Variants in ATAD2B observed in about 807,000 individuals in gnomAD.
ATAD2B encodes ATPase family AAA domain containing 2B.
A neutral mutation model predicts 167.6 loss-of-function variants in ATAD2B; 40 were observed. The observed-to-expected ratio is 0.24, with a 90% confidence interval of 0.19 to 0.31. The LOEUF (loss-of-function observed/expected upper bound fraction) is 0.31. ATAD2B is among the 10% of genes least tolerant of loss of function. The pLI, the probability that ATAD2B is intolerant of heterozygous loss-of-function variation, is 1.00. For missense variants in ATAD2B, 1,242 were observed against 1,757.2 expected, an observed-to-expected ratio of 0.71 and a Z score of 5.24; for synonymous variants, 579 against 596.5, an observed-to-expected ratio of 0.97 and a Z score of 0.43.
chr2:23,925,857 T>C (rs949519701), intron 1 of ATAD2B, among the ~76,000 whole-genome samples: 2 of 152,128 alleles, frequency 1.3e-5, no homozygotes, highest in African/African-American at 2.4e-5. Flanking sequence ...ATCCGAAACA[T>C]TCCACTTGTT....
At chr2:23,867,204 T>C (rs2150070740) in intron 10 of ATAD2B, among the ~76,000 whole-genome samples, 1 of 152,310 alleles carries the variant, frequency 6.6e-6, no homozygotes, top group South Asian at 2.1e-4. Flanking sequence ...CATTTATTCC[T>C]CTTCTCATGT....
At chr2:23,909,869 G>T (rs995039092) in intron 1 of ATAD2B, among the ~76,000 whole-genome samples, 1 of 150,568 alleles carries the variant, frequency 6.6e-6, no homozygotes, top group African/African-American at 2.4e-5. Context: ...GTTTGTTTTT[G>T]TTTTTTTTGG....
chr2:23,863,691 G>T, intron 11 of ATAD2B, 136 bp from the exon 12 acceptor site: 1 of 823,504 alleles, frequency 1.2e-6, no homozygotes, highest in Non-Finnish European at 1.8e-6. Flanking sequence ...GCTTTTTCCA[G>T]GATATAGACA....
chr2:23,678,690 C>T, the ATAD2B span, among the ~76,000 whole-genome samples: 1 of 152,204 alleles, frequency 6.6e-6, no homozygotes, highest in East Asian at 1.9e-4. Flanking sequence ...AATGGTTAAA[C>T]AGTATGTGGT....
the ATAD2B span, among the ~76,000 whole-genome samples, chr2:23,740,396 C>T: frequency 0.04 from 6,124 of 151,494 alleles, 105 homozygotes; most frequent in Admixed American, 0.045. Flanking sequence ...GCTGGTTCAA[C>T]ATACGCAAAT....
chr2:23,870,975 T>C lies in ATAD2B; in HGVS notation c.978-1214A>G, dbSNP rs149321955. On this transcript the variant is annotated intron_variant, in intron 8 of 27. Coordinates refer to ENST00000238789, the MANE Select transcript of ATAD2B (RefSeq NM_017552.4). The stretch of plus-strand genomic sequence containing the variant: ...TGACATCGCTAAGACACCTAAAAAA[T>C]ACTATAATAAAACCACCACAAAATT... 9.7e-3 allele frequency among the ~76,000 whole-genome samples: 1,475 copies of C among 152,172 alleles called. 15 individuals carry two copies. The highest frequency in any genetic ancestry group is 0.037 in the Middle Eastern group (11 of 294).
At chr2:23,893,165 T>C (rs1699764352) in intron 2 of ATAD2B, among the ~76,000 whole-genome samples, 1 of 152,178 alleles carries the variant, frequency 6.6e-6, no homozygotes, top group Admixed American at 6.5e-5. Context: ...CACTTTTATC[T>C]CTATCTTCAT....
At chr2:23,735,132 C>G in the ATAD2B span, among the ~76,000 whole-genome samples, 18,174 of 152,150 alleles carry the variant, frequency 0.12, 1,156 homozygotes, top group Middle Eastern at 0.22. Context: ...ACTTGTCCTC[C>G]ATAATAAGAC....
chr2:23,808,206 A>AAT (rs1285507303), intron 18 of ATAD2B, among the ~76,000 whole-genome samples: 1,445 of 129,956 alleles, frequency 0.011, 24 homozygotes, highest in African/African-American at 0.039. Flanking sequence ...TTTATATAAA[A>AAT]ATATATATAT....
chr2:23,843,295 TA>T (rs1261451226), intron 13 of ATAD2B, among the ~76,000 whole-genome samples: 3 of 152,072 alleles, frequency 2.0e-5, no homozygotes, highest in Non-Finnish European at 4.4e-5. Flanking sequence ...AGACAAAAAT[TA>T]TCCAAGGTGA....
intron 6 of ATAD2B, among the ~76,000 whole-genome samples, chr2:23,884,516 G>A (rs1045266665): frequency 1.3e-5 from 2 of 151,852 alleles, no homozygotes; most frequent in African/African-American, 4.9e-5. Context: ...CCAGATCACT[G>A]AAGGACTACC....
In ATAD2B at chr2:23,870,674, GT is replaced by G. The variant is rs1032355219; in HGVS notation, c.978-914del. 5.2e-4 allele frequency among the ~76,000 whole-genome samples: 76 copies of G among 145,870 alleles called. 1 individual carries two copies. The highest frequency in any genetic ancestry group is 1.5e-3 in the African/African-American group (58 of 39,916). On this transcript the variant is annotated intron_variant, in intron 8 of 27. Coordinates refer to ENST00000238789, the MANE Select transcript of ATAD2B (RefSeq NM_017552.4). ...AGAATCTCAGAAAAAAAAAAGTTTG[GT>G]TTTTTTTTTTAATTTTATCTTTCCC... is the stretch of plus-strand genomic sequence containing the variant.
chr2:23,920,159 A>C (rs1703699222), intron 1 of ATAD2B, among the ~76,000 whole-genome samples: 3 of 152,178 alleles, frequency 2.0e-5, no homozygotes, highest in Non-Finnish European at 2.9e-5. Context: ...TCAAAAAAAA[A>C]AAAAAAGGTA....
the ATAD2B span, among the ~76,000 whole-genome samples, chr2:23,716,316 C>T: frequency 6.6e-6 from 1 of 152,262 alleles, no homozygotes; most frequent in African/African-American, 2.4e-5. Flanking sequence ...TCTTAAACTG[C>T]TGCGATGATA....
chr2:23,757,920 C>T lies in ATAD2B; in HGVS notation c.3576G>A (p.Glu1192=), dbSNP rs755736038. 4.3e-6 allele frequency: 7 copies of T among 1,610,982 alleles called. No homozygotes were observed. The highest frequency in any genetic ancestry group is 5.9e-6 in the Non-Finnish European group (7 of 1,179,178). The stretch of plus-strand genomic sequence containing the variant: ...AGTCTCCAGTCTCTTCTCCATTTTC[C>T]TCATGGCAGTCAGTGCTTACCTCAA... ...GEFEVSTDCH[E]ENGEETGDLS... is the part of the protein sequence containing the mutation. The change falls in exon 25 of 28, where the codon GAG becomes GAA. Residue 1192 remains glutamate (E), a synonymous_variant. Transcript: ENST00000238789.
At chr2:23,871,111 A>G (rs954197968) in intron 8 of ATAD2B, among the ~76,000 whole-genome samples, 109 of 147,884 alleles carry the variant, frequency 7.4e-4, no homozygotes, top group Non-Finnish European at 1.5e-3. Flanking sequence ...GTAATTTGCA[A>G]AAAAAAAAAA....
intron 1 of ATAD2B, among the ~76,000 whole-genome samples, chr2:23,901,722 C>T (rs916080387): frequency 6.6e-6 from 1 of 152,058 alleles, no homozygotes; most frequent in East Asian, 1.9e-4. Flanking sequence ...TGCAAAACTT[C>T]TAAGAGTATT....
the ATAD2B span, among the ~76,000 whole-genome samples, chr2:23,705,117 G>C: frequency 2.4e-4 from 36 of 152,228 alleles, no homozygotes; most frequent in African/African-American, 8.4e-4. Context: ...AGCACAGTCT[G>C]ACTACCCCGT....
chr2:23,845,656 T>C (rs1337470553), intron 13 of ATAD2B, among the ~76,000 whole-genome samples: 2 of 134,412 alleles, frequency 1.5e-5, no homozygotes, highest in Non-Finnish European at 3.1e-5. Context: ...CAAAACACAC[T>C]GCAGCCTCGA....
Sources: gnomAD v4.1 joint callset for allele counts (sites outside exome capture counted in the v4.1 genomes callset) on GRCh38, gnomAD v4.1.1 for gene constraint, MANE v1.5 for transcripts, NCBI Gene and HGNC (gene_info 2026-07-23, HGNC 2026-07-21) for gene names.